PTPRM: variants seen among roughly 807,000 people sequenced by gnomAD.
The protein encoded by PTPRM is receptor-type tyrosine-protein phosphatase mu.
In PTPRM, 47 loss-of-function variants were observed where a neutral mutation model predicts 186.7. That is an observed-to-expected ratio of 0.25 (90% CI 0.20 to 0.32). The LOEUF (loss-of-function observed/expected upper bound fraction) is 0.32. Ranked by LOEUF, PTPRM falls within the 10% of genes least tolerant of loss-of-function variation. The pLI, the probability that PTPRM is intolerant of heterozygous loss-of-function variation, is 1.00. For missense variants in PTPRM, 1,494 were observed against 1,865.0 expected (o/e 0.80, Z 3.66); for synonymous variants, 668 against 674.9 (o/e 0.99, Z 0.16).
intron 3 of PTPRM, among the ~76,000 whole-genome samples, chr18:7,897,733 C>T (rs1031818481): frequency 3.9e-5 from 6 of 152,252 alleles, no homozygotes; most frequent in Admixed American, 3.3e-4. Flanking sequence ...TTAATCTCTG[C>T]GTGGTCTGCC....
At chr18:8,051,136 T>G (rs1345470488) in intron 7 of PTPRM, among the ~76,000 whole-genome samples, 2 of 152,184 alleles carry the variant, frequency 1.3e-5, no homozygotes, top group Non-Finnish European at 2.9e-5. Flanking sequence ...CTGCTGAATC[T>G]TTAATGACGT....
chr18:8,134,287 T>C (rs1366900159), intron 13 of PTPRM, among the ~76,000 whole-genome samples: 1 of 152,210 alleles, frequency 6.6e-6, no homozygotes, highest in African/African-American at 2.4e-5. Flanking sequence ...TTACAAATGC[T>C]TCTTGTGTCT....
chr18:7,865,765 C>G (rs2047656608), intron 2 of PTPRM, among the ~76,000 whole-genome samples: 1 of 152,106 alleles, frequency 6.6e-6, no homozygotes, highest in African/African-American at 2.4e-5. Context: ...AGAATACCAG[C>G]TCCTTTTGGT....
chr18:7,910,862 T>G (rs1117535), intron 4 of PTPRM, among the ~76,000 whole-genome samples: 254 of 152,276 alleles, frequency 1.7e-3, no homozygotes, highest in Non-Finnish European at 2.8e-3. Context: ...ATTTTCCTTT[T>G]GATTTAGTTC....
intron 1 of PTPRM, among the ~76,000 whole-genome samples, chr18:7,594,367 C>G (rs970915709): frequency 6.6e-6 from 1 of 151,744 alleles, no homozygotes; most frequent in East Asian, 1.9e-4. Flanking sequence ...GTAATCCTAG[C>G]TACTGGGGAG....
At chr18:8,199,527 T>G (rs556546124) in intron 14 of PTPRM, among the ~76,000 whole-genome samples, 10 of 152,320 alleles carry the variant, frequency 6.6e-5, no homozygotes, top group Non-Finnish European at 1.3e-4. Context: ...TGTAGCTCCA[T>G]AACAAAAGAT....
chr18:7,916,192 A>C (rs1376533368), intron 4 of PTPRM, among the ~76,000 whole-genome samples: 3 of 152,154 alleles, frequency 2.0e-5, no homozygotes, highest in African/African-American at 7.2e-5. Context: ...TCCAGACTTC[A>C]TTGCTATGCA....
intron 7 of PTPRM, among the ~76,000 whole-genome samples, chr18:8,025,509 C>T (rs1281153660): frequency 6.6e-6 from 1 of 152,146 alleles, no homozygotes; most frequent in Non-Finnish European, 1.5e-5. Flanking sequence ...TTTAAACCTT[C>T]TGGTAAAAGG....
intron 3 of PTPRM, among the ~76,000 whole-genome samples, chr18:7,905,080 G>A (rs1019915670): frequency 2.6e-5 from 4 of 151,772 alleles, no homozygotes; most frequent in East Asian, 1.9e-4. Flanking sequence ...TGCAACCTCC[G>A]CCTCCCAGAT....
Position 7,887,258 on chromosome 18 carries a change from G to A in PTPRM, c.197-848G>A, listed in dbSNP as rs114802038. Among the ~76,000 whole-genome samples the A allele has an allele frequency of 7.2e-3, 1,097 of 152,186 alleles. 7 individuals carry two copies. Among genetic ancestry groups the A allele is most frequent in the African/African-American group, 0.026 (1,065 of 41,506 alleles). ...TGAAATATAAAATTCATATGGGGAA[G>A]GCTCAAGTGCTTGGTATCTGGAAAG... On this transcript the variant is annotated intron_variant, in intron 2 of 32. Transcript: ENST00000580170.
At chr18:7,586,380 A>G (rs1282404571) in intron 1 of PTPRM, among the ~76,000 whole-genome samples, 2 of 152,158 alleles carry the variant, frequency 1.3e-5, no homozygotes, top group Non-Finnish European at 2.9e-5. Flanking sequence ...AAAGAACATC[A>G]GTCCTTAGGC....
At chr18:7,641,812 A>G (rs1389175023) in intron 1 of PTPRM, among the ~76,000 whole-genome samples, 1 of 152,240 alleles carries the variant, frequency 6.6e-6, no homozygotes, top group African/African-American at 2.4e-5. Flanking sequence ...TGCTTTACAT[A>G]CTTAAATTTC....
At chr18:8,330,240 TAG>T (rs1450653040) in intron 22 of PTPRM, among the ~76,000 whole-genome samples, 3 of 152,160 alleles carry the variant, frequency 2.0e-5, no homozygotes, top group Non-Finnish European at 2.9e-5. Context: ...GGGCACAGTT[TAG>T]GACCAGTTTT....
chr18:8,274,983 A>G (rs1463483678), intron 19 of PTPRM, among the ~76,000 whole-genome samples: 1 of 152,222 alleles, frequency 6.6e-6, no homozygotes, highest in Non-Finnish European at 1.5e-5. Flanking sequence ...CACTGTAGGA[A>G]ACATGTTTCT....
intron 1 of PTPRM, among the ~76,000 whole-genome samples, chr18:7,650,453 C>G (rs986958989): frequency 2.7e-5 from 4 of 145,878 alleles, no homozygotes; most frequent in South Asian, 2.3e-4. Flanking sequence ...ATCCCCCCCC[C>G]CCCCACTGTA....
At chr18:8,302,685 G>C (rs2095172426) in intron 20 of PTPRM, among the ~76,000 whole-genome samples, 1 of 152,066 alleles carries the variant, frequency 6.6e-6, no homozygotes, top group Admixed American at 6.6e-5. Flanking sequence ...TGGGAGACAG[G>C]GTGAGGAAGA....
At chr18:8,274,243 C>A (rs754815285) in intron 19 of PTPRM, among the ~76,000 whole-genome samples, 9 of 152,094 alleles carry the variant, frequency 5.9e-5, no homozygotes, top group Non-Finnish European at 1.0e-4. Context: ...AATGTTGACC[C>A]CTTAGCCATT....
chr18:7,791,012 G>A (rs1568134654), intron 2 of PTPRM, among the ~76,000 whole-genome samples: 2 of 151,908 alleles, frequency 1.3e-5, no homozygotes, highest in African/African-American at 2.4e-5. Context: ...AGTTTGTCAT[G>A]TTTATTTATT....
chr18:7,608,919 C>T lies in PTPRM; in HGVS notation c.73+41028C>T, dbSNP rs573619131. The stretch of plus-strand genomic sequence containing the variant: ...TAGAACAGATGTAGGAAGCAAGCAA[C>T]CCCAGAAACATCTGGAAAACTCTTA... On this transcript the variant is annotated intron_variant, in intron 1 of 32. Transcript: ENST00000580170. 3.9e-5 allele frequency among the ~76,000 whole-genome samples: 6 copies of T among 152,234 alleles called. No homozygotes were observed. The South Asian group carries it at 1.0e-3, about 26-fold the overall frequency.
Sources: allele counts gnomAD v4.1 joint callset (sites outside exome capture counted in the v4.1 genomes callset), GRCh38; gene constraint gnomAD v4.1.1; transcripts MANE v1.5; gene names NCBI Gene and HGNC (gene_info 2026-07-23, HGNC 2026-07-21).